Variants in RBFOX1 observed in about 807,000 individuals in gnomAD.
The protein encoded by RBFOX1 is RNA binding fox-1 homolog 1.
RBFOX1 carries 8 observed loss-of-function variants against 57.7 expected under a neutral mutation model. The ratio of observed to expected loss-of-function variants is 0.14; its 90% confidence interval spans 0.08 to 0.25. The LOEUF (loss-of-function observed/expected upper bound fraction) is 0.25, where lower values mean the gene tolerates loss of function less well. Among genes scored for constraint, RBFOX1 ranks in the 10% least tolerant of loss-of-function variants. The pLI is 1.00. For missense variants in RBFOX1, 611 were observed against 548.5 expected (o/e 1.11, Z -1.14); for synonymous variants, 326 against 222.4 (o/e 1.47, Z -4.15).
At chr16:6,742,960 C>G (rs1296475605) in intron 3 of RBFOX1, among the ~76,000 whole-genome samples, 1 of 152,082 alleles carries the variant, frequency 6.6e-6, no homozygotes, top group Non-Finnish European at 1.5e-5. Flanking sequence ...TATACAAACA[C>G]ACTTTATCAA....
At chr16:6,885,742 G>T (rs1447087000) in intron 3 of RBFOX1, among the ~76,000 whole-genome samples, 16 of 152,096 alleles carry the variant, frequency 1.1e-4, no homozygotes, top group Non-Finnish European at 2.9e-5. Context: ...AGGTTGGACA[G>T]GCTGGTCTCG....
chr16:7,304,198 G>T, intron 4 of RBFOX1: 1 of 952,394 alleles, frequency 1.0e-6, no homozygotes, highest in Admixed American at 8.0e-5. Context: ...GAGGGGGAGA[G>T]AGACAGAGAG....
chr16:6,319,966 C>G (rs2081570842), intron 2 of RBFOX1, among the ~76,000 whole-genome samples: 1 of 152,016 alleles, frequency 6.6e-6, no homozygotes, highest in Non-Finnish European at 1.5e-5. Flanking sequence ...ATCCAATACA[C>G]CATGTCTGTG....
At chr16:5,363,538 A>C (rs2065614284) in intron 1 of RBFOX1, among the ~76,000 whole-genome samples, 1 of 152,198 alleles carries the variant, frequency 6.6e-6, no homozygotes, top group Admixed American at 6.5e-5. Flanking sequence ...TTCTCTCTGC[A>C]ACAAGCTTTC....
intron 2 of RBFOX1, among the ~76,000 whole-genome samples, chr16:6,579,463 T>C (rs541733620): frequency 6.6e-6 from 1 of 152,292 alleles, no homozygotes; most frequent in South Asian, 2.1e-4. Context: ...TGGAAGGTAA[T>C]TGAATCATGG....
chr16:7,458,007 G>T (rs1425752767), intron 4 of RBFOX1, among the ~76,000 whole-genome samples: 1 of 152,084 alleles, frequency 6.6e-6, no homozygotes, highest in African/African-American at 2.4e-5. Context: ...CCTGGTGCCT[G>T]CTTGGTTGGT....
At chr16:6,284,734 G>C (rs191910037) in intron 1 of RBFOX1, among the ~76,000 whole-genome samples, 1 of 152,208 alleles carries the variant, frequency 6.6e-6, no homozygotes, top group African/African-American at 2.4e-5. Flanking sequence ...TGTGAAATCA[G>C]GGGAGAATGG....
chr16:7,590,817 A>G (rs2152920053), intron 7 of RBFOX1, among the ~76,000 whole-genome samples: 1 of 150,244 alleles, frequency 6.7e-6, no homozygotes, highest in Admixed American at 6.7e-5. Flanking sequence ...CGAGATCAAG[A>G]CATTGCATTC....
intron 4 of RBFOX1, among the ~76,000 whole-genome samples, chr16:7,397,888 A>T (rs189668746): frequency 5.3e-4 from 81 of 152,166 alleles, no homozygotes; most frequent in African/African-American, 1.9e-3. Context: ...CTCATCTGTA[A>T]AACAGATGAA....
intron 3 of RBFOX1, among the ~76,000 whole-genome samples, chr16:6,872,578 G>A (rs1032112078): frequency 6.6e-6 from 1 of 152,072 alleles, no homozygotes; most frequent in Non-Finnish European, 1.5e-5. Flanking sequence ...AGATAAGAAC[G>A]TTTGGAACGG....
intron 2 of RBFOX1, among the ~76,000 whole-genome samples, chr16:6,480,958 C>A (rs1044598443): frequency 1.3e-5 from 2 of 152,256 alleles, no homozygotes; most frequent in African/African-American, 2.4e-5. Context: ...TGCCTCCCCC[C>A]ACAACCCCAT....
chr16:6,822,408 T>C (rs2091460717), intron 3 of RBFOX1, among the ~76,000 whole-genome samples: 1 of 152,188 alleles, frequency 6.6e-6, no homozygotes, highest in Admixed American at 6.5e-5. Flanking sequence ...AGCAAGTCTT[T>C]TAAAAGCCAC....
intron 3 of RBFOX1, among the ~76,000 whole-genome samples, chr16:6,866,035 A>G (rs1244861970): frequency 1.3e-5 from 2 of 152,194 alleles, no homozygotes; most frequent in African/African-American, 4.8e-5. Context: ...CTTTGAATGC[A>G]TCTGGAAAGA....
chr16:7,212,106 G>C (rs57256599), intron 4 of RBFOX1, among the ~76,000 whole-genome samples: 166 of 152,252 alleles, frequency 1.1e-3, no homozygotes, highest in African/African-American at 3.3e-3. Flanking sequence ...GGTCAAAAGA[G>C]AATCATGCAT....
chr16:6,806,698 T>G (rs1157755085), intron 3 of RBFOX1, among the ~76,000 whole-genome samples: 1 of 150,834 alleles, frequency 6.6e-6, no homozygotes, highest in Non-Finnish European at 1.5e-5. Context: ...AATGAGGTGA[T>G]ATTGTCTTAC....
At chr16:6,404,953 C>T (rs2093222154) in intron 2 of RBFOX1, among the ~76,000 whole-genome samples, 1 of 152,140 alleles carries the variant, frequency 6.6e-6, no homozygotes, top group Non-Finnish European at 1.5e-5. Flanking sequence ...CCACAAATGC[C>T]TTCTATTTCT....
At chr16:6,916,025 C>T (rs575564046) in intron 3 of RBFOX1, among the ~76,000 whole-genome samples, 1 of 151,954 alleles carries the variant, frequency 6.6e-6, no homozygotes, top group Admixed American at 6.6e-5. Flanking sequence ...AGACAGCTGT[C>T]TTGACTGGCA....
intron 2 of RBFOX1, among the ~76,000 whole-genome samples, chr16:5,474,956 C>T (rs1259014785): frequency 6.6e-6 from 1 of 152,156 alleles, no homozygotes; most frequent in African/African-American, 2.4e-5. Flanking sequence ...CTGATGCATC[C>T]TACCTTGGGT....
At chr16:6,400,725 C>G (rs2093034948) in intron 2 of RBFOX1, among the ~76,000 whole-genome samples, 1 of 152,110 alleles carries the variant, frequency 6.6e-6, no homozygotes, top group African/African-American at 2.4e-5. Flanking sequence ...CGGTGAAACC[C>G]TGTCTCTACA....
Sources: allele counts gnomAD v4.1 joint callset (sites outside exome capture counted in the v4.1 genomes callset), GRCh38; gene constraint gnomAD v4.1.1; transcripts MANE v1.5; gene names NCBI Gene and HGNC (gene_info 2026-07-23, HGNC 2026-07-21).